Variants in SOX5 observed in about 807,000 individuals in gnomAD.
The protein encoded by SOX5 is SRY-box transcription factor 5, also known as transcription factor SOX-5.
A neutral mutation model predicts 92.0 loss-of-function variants in SOX5; 9 were observed. The ratio of observed to expected loss-of-function variants is 0.10; its 90% CI spans 0.06 to 0.17. The LOEUF (loss-of-function observed/expected upper bound fraction) is 0.17, where lower values mean the gene tolerates loss of function less well. SOX5 is among the 10% of genes least tolerant of loss of function. SOX5 has a pLI of 1.00. For synonymous variants in SOX5, 344 were observed against 336.3 expected (o/e 1.02, Z -0.25); for missense variants, 642 against 944.5 (o/e 0.68, Z 4.20).
In SOX5 at chr12:23,843,009, A is replaced by T. The variant is rs561049427; in HGVS notation, c.481+2974T>A. ...AACACCAACATTCTTAATTACATAG[A>T]AAGTATGTAACTGACATGAGGTGAG... On this transcript the variant is annotated intron_variant, in intron 3 of 14. Transcript: ENST00000451604. Among the ~76,000 whole-genome samples, 5 of 152,296 alleles carry T rather than the reference A, an allele frequency of 3.3e-5. No individual in the cohort carries two copies. In the South Asian group the frequency reaches 1.0e-3, roughly 32 times the overall value.
intron 4 of SOX5, among the ~76,000 whole-genome samples, chr12:24,059,594 G>A (rs561416903): frequency 6.6e-6 from 1 of 152,288 alleles, no homozygotes; most frequent in Admixed American, 6.5e-5. Context: ...AGGTGTGTGT[G>A]TGTGATGGGG....
At chr12:23,945,961 T>A (rs919258963) in intron 1 of SOX5, among the ~76,000 whole-genome samples, 1 of 152,146 alleles carries the variant, frequency 6.6e-6, no homozygotes, top group African/African-American at 2.4e-5. Flanking sequence ...TCTGCAAATG[T>A]CTAGCAGTAG....
At chr12:23,566,740 A>C (rs1293704186) in intron 10 of SOX5, among the ~76,000 whole-genome samples, 1 of 152,266 alleles carries the variant, frequency 6.6e-6, no homozygotes, top group African/African-American at 2.4e-5. Flanking sequence ...AGATTAAGTG[A>C]GTAAATATCA....
chr12:23,674,326 A>G (rs1440307879), intron 6 of SOX5, among the ~76,000 whole-genome samples: 1 of 102,320 alleles, frequency 9.8e-6, no homozygotes, highest in Non-Finnish European at 2.1e-5. Context: ...TTTTCTTACC[A>G]TAAAAAGGAA....
chr12:24,106,206 T>A (rs200414458), intron 4 of SOX5, among the ~76,000 whole-genome samples: 11 of 148,492 alleles, frequency 7.4e-5, no homozygotes, highest in South Asian at 2.1e-4. Flanking sequence ...AAAAAAAAAA[T>A]TAGCCCAACA....
At chr12:23,997,948 A>G (rs1180929580) in intron 4 of SOX5, among the ~76,000 whole-genome samples, 1 of 152,150 alleles carries the variant, frequency 6.6e-6, no homozygotes, top group Non-Finnish European at 1.5e-5. Context: ...AACAACAACT[A>G]CTACTATGGT....
At chr12:23,612,096 T>C (rs1302357242) in intron 8 of SOX5, among the ~76,000 whole-genome samples, 2 of 152,108 alleles carry the variant, frequency 1.3e-5, no homozygotes, top group African/African-American at 4.8e-5. Context: ...TGAAATTGTT[T>C]AAAATTATTT....
chr12:23,951,391 A>G (rs969047288), upstream of SOX5, among the ~76,000 whole-genome samples: 1 of 150,822 alleles, frequency 6.6e-6, no homozygotes, highest in African/African-American at 2.4e-5. Flanking sequence ...GGACAACATT[A>G]AGGGCCTTTA....
At chr12:24,158,414 A>G (rs1593733720) in intron 4 of SOX5, among the ~76,000 whole-genome samples, 1 of 152,058 alleles carries the variant, frequency 6.6e-6, no homozygotes, top group Non-Finnish European at 1.5e-5. Flanking sequence ...AATAACTAAC[A>G]TTTACCCAGA....
intron 8 of SOX5, among the ~76,000 whole-genome samples, chr12:23,616,293 C>T (rs192643298): frequency 1.3e-5 from 2 of 152,316 alleles, no homozygotes; most frequent in East Asian, 1.9e-4. Context: ...AAGAATTCTC[C>T]GCTAACCTCC....
rs530841183 is a variant in SOX5 at position 23,531,240 on chromosome 12, C to T, written c.*2979G>A. ...AGCGGTATGAACTTGCTTTTTGTTT[C>T]GGTTCATGCACAGTTTAGTCTCGGA... On this transcript the variant is annotated 3_prime_UTR_variant, in exon 15 of 15. Transcript: ENST00000451604. 2.0e-5 allele frequency: 3 copies of T among 152,220 alleles called. No individual in the cohort carries two copies. The East Asian group carries it at 5.8e-4, about 29-fold the overall frequency. 9.4% of individuals were successfully genotyped at this position (152,220 alleles called of 1,614,324 possible).
chr12:23,697,626 C>T (rs557516678), intron 6 of SOX5, among the ~76,000 whole-genome samples: 87 of 152,322 alleles, frequency 5.7e-4, no homozygotes, highest in African/African-American at 2.1e-3. Context: ...TGGCAGCTCA[C>T]AGCAACCTCT....
At chr12:23,867,373 A>C (rs1229773071) in intron 2 of SOX5, among the ~76,000 whole-genome samples, 1 of 152,134 alleles carries the variant, frequency 6.6e-6, no homozygotes, top group African/African-American at 2.4e-5. Context: ...CAGTCACACA[A>C]GATTTAAGCA....
chr12:24,027,594 C>T (rs1202356282), intron 4 of SOX5, among the ~76,000 whole-genome samples: 1 of 151,868 alleles, frequency 6.6e-6, no homozygotes, highest in Non-Finnish European at 1.5e-5. Flanking sequence ...ATGGTAACTC[C>T]CCCTCTACTT....
At chr12:23,743,413 G>A (rs1036168644) in intron 4 of SOX5, among the ~76,000 whole-genome samples, 14 of 151,946 alleles carry the variant, frequency 9.2e-5, no homozygotes, top group South Asian at 2.1e-4. Context: ...GGGGTCAAGC[G>A]ATTCTCCTAC....
At chr12:23,583,142 A>C (rs1950268668) in intron 9 of SOX5, among the ~76,000 whole-genome samples, 1 of 152,022 alleles carries the variant, frequency 6.6e-6, no homozygotes, top group Non-Finnish European at 1.5e-5. Context: ...ATAGTGCCAC[A>C]CCATTCCTTT....
intron 2 of SOX5, among the ~76,000 whole-genome samples, chr12:23,878,188 T>C (rs762131839): frequency 1.3e-5 from 2 of 152,060 alleles, no homozygotes; most frequent in Non-Finnish European, 2.9e-5. Flanking sequence ...AGTAGTATAG[T>C]TTCTTAAAAG....
At chr12:23,724,628 T>G (rs1210817479) in intron 6 of SOX5, among the ~76,000 whole-genome samples, 2 of 152,176 alleles carry the variant, frequency 1.3e-5, no homozygotes, top group African/African-American at 4.8e-5. Flanking sequence ...TTAAACTGTT[T>G]GATAGGGTTA....
At chr12:24,098,638 C>A (rs1023689949) in intron 4 of SOX5, among the ~76,000 whole-genome samples, 5 of 152,080 alleles carry the variant, frequency 3.3e-5, no homozygotes, top group African/African-American at 9.7e-5. Flanking sequence ...AGAACAAAAG[C>A]AAAATTTGCC....
Sources: allele counts gnomAD v4.1 joint callset (sites outside exome capture counted in the v4.1 genomes callset), GRCh38; gene constraint gnomAD v4.1.1; transcripts MANE v1.5; gene names NCBI Gene and HGNC (gene_info 2026-07-23, HGNC 2026-07-21).